POLE3: variants seen among roughly 807,000 people sequenced by gnomAD.
The protein encoded by POLE3 is DNA polymerase epsilon subunit 3.
POLE3 carries 10 observed loss-of-function variants against 16.1 expected under a neutral mutation model. That is an observed-to-expected ratio of 0.62 (90% CI 0.38 to 1.05). The LOEUF (loss-of-function observed/expected upper bound fraction) is 1.05, where lower values mean the gene tolerates loss of function less well. POLE3 is among the 50% of genes least tolerant of loss of function. POLE3 has a pLI of 0.01. For missense variants in POLE3, 169 were observed against 185.0 expected (o/e 0.91, Z 0.50); for synonymous variants, 83 against 71.0 (o/e 1.17, Z -0.85).
chr9:113,409,983 G>C, intron 3 of POLE3, 72 bp downstream of exon 3: 1 of 1,279,186 alleles, frequency 7.8e-7, no homozygotes, highest in Non-Finnish European at 1.1e-6. Context: ...AATCGTTGGG[G>C]TTTGTAGGCT....
chr9:113,409,873 C>CA (rs1024278075), intron 3 of POLE3, 145 bp from the exon 4 acceptor site: 8 of 762,192 alleles, frequency 1.0e-5, no homozygotes, highest in Admixed American at 4.9e-5. Flanking sequence ...CTTCTCTGCA[C>CA]AAAAAAGCTA....
At position 113,410,606 on chromosome 9, in the gene POLE3, A is replaced by C; in HGVS notation, c.-116+11T>G. On this transcript the variant is annotated intron_variant, in intron 1 of 4. Coordinates refer to ENST00000374171, the MANE Select transcript of POLE3 (RefSeq NM_017443.5). ...TGCTTCTCGCCATCGCCGCGTCGGG[A>C]ACCTTCTCACCAACTTATTTGGCTC... 1 of 488,652 alleles carries C rather than the reference A, an allele frequency of 2.0e-6. No individual in the cohort carries two copies. Among genetic ancestry groups the C allele is most frequent in the Non-Finnish European group, 3.7e-6 (1 of 268,170 alleles). 30.3% of individuals were successfully genotyped at this position (488,652 alleles called of 1,614,324 possible).
At chr9:113,409,885 A>G in intron 3 of POLE3, 157 bp from the exon 4 acceptor site, 1 of 757,812 alleles carries the variant, frequency 1.3e-6, no homozygotes. Context: ...AAAAAGCTAA[A>G]GCAAAGTGAT....
At chr9:113,409,819 C>A in intron 3 of POLE3, 91 bp from the exon 4 acceptor site, 1 of 901,698 alleles carries the variant, frequency 1.1e-6, no homozygotes. Flanking sequence ...GAAAGCCTGC[C>A]TCTTACATGT....
At chr9:113,409,423 A>T (rs112382524) in intron 4 of POLE3, among the ~76,000 whole-genome samples, 187 bp downstream of exon 4, 6,537 of 152,120 alleles carry the variant, frequency 0.043, 172 homozygotes, top group South Asian at 0.1. Context: ...GAGGCAGAGA[A>T]GGAAAAATAA....
At chr9:113,409,376 AAAC>A (rs1184211866) in intron 4 of POLE3, among the ~76,000 whole-genome samples, 3 of 150,932 alleles carry the variant, frequency 2.0e-5, no homozygotes, top group African/African-American at 7.3e-5. Flanking sequence ...AAAAAAAAAA[AAAC>A]AAAAACAAGA....
chr9:113,409,057 T>C, intron 4 of POLE3, 74 bp from the exon 5 acceptor site: 1 of 1,407,220 alleles, frequency 7.1e-7, no homozygotes, highest in Non-Finnish European at 9.8e-7. Flanking sequence ...CTAATTACAT[T>C]GTACAATTGG....
intron 4 of POLE3, 39 bp from the exon 5 acceptor site, chr9:113,409,022 A>G: frequency 6.3e-7 from 1 of 1,592,036 alleles, no homozygotes; most frequent in Non-Finnish European, 8.6e-7. Context: ...ACAGAGCTGA[A>G]AGTGAGCCAG....
intron 4 of POLE3, among the ~76,000 whole-genome samples, chr9:113,409,361 A>C (rs1243366772): frequency 2.6e-4 from 15 of 58,070 alleles, no homozygotes; most frequent in African/African-American, 2.0e-3. Flanking sequence ...CTCCGTCTCA[A>C]AAAAAAAAAA....
rs111911243 is a variant in POLE3, at chr9:113,410,272, G to C, written c.22C>G (p.Leu8Val). 6.2e-7 allele frequency: 1 copy of C among 1,613,692 alleles called. No individual in the cohort carries two copies. The highest frequency in any genetic ancestry group is 8.5e-7 in the Non-Finnish European group (1 of 1,179,960). Residue 8 changes from leucine (L) to valine (V), a missense_variant, in exon 2 of 5, where the codon CTA (leucine) becomes GTA (valine). Physicochemically the swap from Leu to Val is conservative, Grantham distance 32. Transcript: ENST00000374171. MAERPEDLNLPNAVITRI... is the reference protein window; with the variant it reads MAERPEDVNLPNAVITRI... ...GTGATCACGGCATTGGGCAGGTTTAGGTCCTCGGGCCTCTCCGCCATTGCC... is the reference window on the plus strand; with the variant it reads ...GTGATCACGGCATTGGGCAGGTTTACGTCCTCGGGCCTCTCCGCCATTGCC...
At chr9:113,409,828 G>T in intron 3 of POLE3, 100 bp from the exon 4 acceptor site, 3 of 867,440 alleles carry the variant, frequency 3.5e-6, no homozygotes, top group Non-Finnish European at 1.9e-6. Context: ...CCTCTTACAT[G>T]TATGGATTTT....
At position 113,409,816 on chromosome 9, in the gene POLE3, T is replaced by G. The variant is rs1828044119; in HGVS notation, c.153-88A>C. On this transcript the variant is annotated intron_variant, in intron 3 of 4. Transcript: ENST00000374171. ...CACCCAGAGGTGGAACGGGAAAGCC[T>G]GCCTCTTACATGTATGGATTTTGGT... 32 of 920,374 alleles carry G rather than the reference T, an allele frequency of 3.5e-5. No homozygotes were observed. The South Asian group carries it at 4.3e-4, about 12-fold the overall frequency. 57.0% of individuals were successfully genotyped at this position (920,374 alleles called of 1,614,324 possible).
At chr9:113,409,833 G>T in intron 3 of POLE3, 105 bp from the exon 4 acceptor site, 3 of 844,484 alleles carry the variant, frequency 3.6e-6, no homozygotes, top group South Asian at 2.9e-5. Context: ...TACATGTATG[G>T]ATTTTGGTGT....
intron 4 of POLE3, among the ~76,000 whole-genome samples, chr9:113,409,359 C>CAAAAAAAAAAAAAAAAAAAA (rs35481754): frequency 1.1e-5 from 1 of 89,502 alleles, no homozygotes; most frequent in Non-Finnish European, 2.2e-5. Context: ...GACTCCGTCT[C>CAAAAAAAAAAAAAAAAAAAA]AAAAAAAAAA....
At position 113,407,386 on chromosome 9, in the gene POLE3, G is replaced by C. The variant is rs1003958612; in HGVS notation, c.*1425C>G. 6.6e-6 allele frequency: 1 copy of C among 152,570 alleles called. No homozygotes were observed. The highest frequency in any genetic ancestry group is 2.1e-4 in the South Asian group (1 of 4,830). The allele number at this position is 152,570 out of a possible 1,614,324, so 9.5% of individuals were successfully genotyped here. ...AGCACTCAACTTAGAAACAAAAAGC[G>C]CTTGGAGCACTGAATGGAAACAGAA... On this transcript the variant is annotated 3_prime_UTR_variant, in exon 5 of 5. Transcript: ENST00000374171.
chr9:113,409,742 A>G lies in POLE3; in HGVS notation c.153-14T>C. 6.6e-7 allele frequency: 1 copy of G among 1,524,186 alleles called. No individual in the cohort carries two copies. The highest frequency in any genetic ancestry group is 9.1e-7 in the Non-Finnish European group (1 of 1,098,532). The allele number at this position is 1,524,186 out of a possible 1,614,324, so 94.4% of individuals were successfully genotyped here. On this transcript the variant is annotated splice_polypyrimidine_tract_variant and intron_variant, in intron 3 of 4. Transcript: ENST00000374171. ...AAGTTGTTAGCACTGAGAGAAGAGA[A>G]AGGCTGTCAGACTCCCTCTTGTTTG...
chr9:113,409,937 G>A (rs1290014928), intron 3 of POLE3, 118 bp downstream of exon 3: 7 of 851,788 alleles, frequency 8.2e-6, no homozygotes, highest in African/African-American at 6.8e-5. Context: ...AAAACTGGCA[G>A]AGGACTGTGA....
At position 113,409,728 on chromosome 9, in the gene POLE3, A is replaced by AACTCTT. The variant is rs757436960; in HGVS notation, c.153-1_153insAAGAGT (p.Cys51delinsTer). 17 of 1,590,312 alleles carry AACTCTT rather than the reference A, an allele frequency of 1.1e-5. No homozygotes were observed. The highest frequency in any genetic ancestry group is 1.3e-5 in the African/African-American group (1 of 74,422). On this transcript the variant is annotated stop_gained and splice_region_variant. Coordinates refer to ENST00000374171, the MANE Select transcript of POLE3 (RefSeq NM_017443.5). LOFTEE classifies it high-confidence loss of function. ...TTCCTTTCATTGCAAAGTTGTTAGC[A>AACTCTT]CTGAGAGAAGAGAAAGGCTGTCAGA...
chr9:113,410,665 G>T lies in POLE3; in HGVS notation c.-164C>A. On this transcript the variant is annotated 5_prime_UTR_variant, in exon 1 of 5. Transcript: ENST00000374171. Reference sequence around the variant, plus strand: ...TTCCGTCCGTTTCCCATGGTGCCCTGCGCCGCTGCTGGGTGACGGCGCGGC... The same window carrying T: ...TTCCGTCCGTTTCCCATGGTGCCCTTCGCCGCTGCTGGGTGACGGCGCGGC... The T allele has an allele frequency of 3.6e-6, 1 of 278,086 alleles. No homozygotes were observed. The highest frequency in any genetic ancestry group is 7.0e-6 in the Non-Finnish European group (1 of 142,608). The allele number at this position is 278,086 out of a possible 1,614,324, so 17.2% of individuals were successfully genotyped here.
Sources: allele counts gnomAD v4.1 joint callset (sites outside exome capture counted in the v4.1 genomes callset), GRCh38; gene constraint gnomAD v4.1.1; transcripts MANE v1.5; gene names NCBI Gene and HGNC (gene_info 2026-07-23, HGNC 2026-07-21).